Variants in ADGRB3 observed in about 807,000 individuals in gnomAD.
The protein encoded by ADGRB3 is adhesion G protein-coupled receptor B3.
In ADGRB3, 37 loss-of-function variants were observed where a neutral mutation model predicts 193.4. The ratio of observed to expected loss-of-function variants is 0.19; its 90% confidence interval spans 0.15 to 0.25. The LOEUF (loss-of-function observed/expected upper bound fraction) is 0.25. ADGRB3 is among the 10% of genes least tolerant of loss of function. The pLI is 1.00. For missense variants in ADGRB3, 1,637 were observed against 1,852.9 expected (o/e 0.88, Z 2.14); for synonymous variants, 690 against 644.2 (o/e 1.07, Z -1.08).
At chr6:68,649,907 T>C (rs1455199195) in intron 3 of ADGRB3, among the ~76,000 whole-genome samples, 1 of 152,196 alleles carries the variant, frequency 6.6e-6, no homozygotes, top group Non-Finnish European at 1.5e-5. Context: ...CCACGCGCCT[T>C]ACTCCTTTAA....
intron 25 of ADGRB3, 71 bp from the exon 26 acceptor site, chr6:69,339,262 T>A (rs536660178): frequency 6.5e-7 from 1 of 1,532,626 alleles, no homozygotes; most frequent in African/African-American, 1.4e-5. Context: ...AATGCTTTGT[T>A]GAATGGGGGT....
Position 68,897,514 on chromosome 6 carries a change from AAGGG to A in ADGRB3, c.758-33037_758-33034del, listed in dbSNP as rs1359488715. On this transcript the variant is annotated intron_variant, in intron 3 of 31. Transcript: ENST00000370598. ...GGGAGGGAGGGAAGAGGAAGGAAGG[AAGGG>A]AGGGAGGAAAGAGGAAAGAGGGAAG... is the stretch of plus-strand genomic sequence containing the variant. Among the ~76,000 whole-genome samples, 36 of 98,174 alleles carry A rather than the reference AAGGG, an allele frequency of 3.7e-4. 4 individuals carry two copies. Among genetic ancestry groups the A allele is most frequent in the South Asian group, 3.2e-3 (7 of 2,164 alleles). The allele number at this position is 98,174 out of a possible 152,430, so 64.4% of individuals were successfully genotyped here. A position where few individuals can be genotyped will look rare whatever the true frequency, so the allele number is the denominator to read the frequency against.
At chr6:69,238,383 T>C (rs1354733494) in intron 19 of ADGRB3, among the ~76,000 whole-genome samples, 1 of 152,106 alleles carries the variant, frequency 6.6e-6, no homozygotes, top group Non-Finnish European at 1.5e-5. Flanking sequence ...AGCAGTTTTC[T>C]CTATGGCTTA....
intron 17 of ADGRB3, among the ~76,000 whole-genome samples, chr6:69,156,572 A>T (rs1322074205): frequency 6.6e-6 from 1 of 152,144 alleles, no homozygotes; most frequent in African/African-American, 2.4e-5. Flanking sequence ...CATAGTAAGG[A>T]GTAGGGATAT....
chr6:69,145,234 G>A (rs1006605092), intron 17 of ADGRB3, among the ~76,000 whole-genome samples: 2 of 152,202 alleles, frequency 1.3e-5, no homozygotes, highest in Non-Finnish European at 2.9e-5. Flanking sequence ...TGAGCATGGG[G>A]TCTGGTTACT....
chr6:69,328,675 A>G (rs16900648), intron 22 of ADGRB3, among the ~76,000 whole-genome samples: 5,640 of 152,190 alleles, frequency 0.037, 174 homozygotes, highest in Admixed American at 0.095. Context: ...ACAAATTGTA[A>G]ACATACTGAG....
chr6:69,210,994 C>G (rs1765652382), intron 17 of ADGRB3, among the ~76,000 whole-genome samples: 1 of 151,648 alleles, frequency 6.6e-6, no homozygotes, highest in South Asian at 2.1e-4. Context: ...TGGTGGCAGG[C>G]ACCTGTAGTC....
At position 69,153,810 on chromosome 6, in the gene ADGRB3, G is replaced by A. The variant is rs187563368; in HGVS notation, c.2480+77772G>A. 1.3e-3 allele frequency among the ~76,000 whole-genome samples: 191 copies of A among 152,166 alleles called. 2 individuals are homozygous for A. The Middle Eastern group carries it at 0.027, about 22-fold the overall frequency. Reference sequence around the variant, plus strand: ...AGATCGAGACCATGCTGGCTAACACGGTGAAACCCCATCTCTACTAAAAAT... The same window carrying A: ...AGATCGAGACCATGCTGGCTAACACAGTGAAACCCCATCTCTACTAAAAAT... On this transcript the variant is annotated intron_variant, in intron 17 of 31. Transcript: ENST00000370598.
intron 8 of ADGRB3, among the ~76,000 whole-genome samples, chr6:68,958,289 A>G (rs948289215): frequency 1.3e-5 from 2 of 152,222 alleles, no homozygotes; most frequent in African/African-American, 4.8e-5. Flanking sequence ...CAGGGTTGTT[A>G]AGAGGATGAT....
chr6:68,789,334 T>A (rs1478121374), intron 3 of ADGRB3, among the ~76,000 whole-genome samples: 1 of 152,182 alleles, frequency 6.6e-6, no homozygotes, highest in African/African-American at 2.4e-5. Flanking sequence ...TCAGGAGCTC[T>A]TTTAGGGCAG....
chr6:68,706,465 A>G (rs1401821435), intron 3 of ADGRB3, among the ~76,000 whole-genome samples: 1 of 152,206 alleles, frequency 6.6e-6, no homozygotes, highest in African/African-American at 2.4e-5. Flanking sequence ...CCGTATGTGT[A>G]TGGCACATAT....
chr6:69,283,513 T>C (rs1292123511), intron 20 of ADGRB3, among the ~76,000 whole-genome samples: 1 of 152,164 alleles, frequency 6.6e-6, no homozygotes, highest in Non-Finnish European at 1.5e-5. Flanking sequence ...GAGTTAGACA[T>C]TGCTTTGGCT....
intron 30 of ADGRB3, among the ~76,000 whole-genome samples, chr6:69,375,410 G>A (rs1166859463): frequency 6.6e-6 from 1 of 152,032 alleles, no homozygotes; most frequent in Non-Finnish European, 1.5e-5. Context: ...AGACTCTGCA[G>A]AGGCAGAATC....
At chr6:69,259,695 CAAAAAAA>C (rs397887907) in intron 20 of ADGRB3, among the ~76,000 whole-genome samples, 1,280 of 76,176 alleles carry the variant, frequency 0.017, 19 homozygotes, top group Middle Eastern at 0.065. Context: ...GACTCTGTCT[CAAAAAAA>C]AAAAAAAAAA....
At chr6:68,785,907 G>C (rs1176888207) in intron 3 of ADGRB3, among the ~76,000 whole-genome samples, 2 of 152,006 alleles carry the variant, frequency 1.3e-5, no homozygotes, top group East Asian at 3.9e-4. Flanking sequence ...CTGATGGCCA[G>C]TGATGATGAG....
At chr6:69,323,905 T>C in intron 20 of ADGRB3, among the ~76,000 whole-genome samples, 1 of 152,104 alleles carries the variant, frequency 6.6e-6, no homozygotes, top group East Asian at 1.9e-4. Context: ...TATTTCTTTG[T>C]ATTGGTTTTT....
intron 5 of ADGRB3, among the ~76,000 whole-genome samples, chr6:68,938,674 A>G (rs552500930): frequency 6.6e-6 from 1 of 152,164 alleles, no homozygotes; most frequent in East Asian, 1.9e-4. Context: ...TCATTTGACC[A>G]ACATGTTTTA....
Position 68,789,165 on chromosome 6 carries a change from A to C in ADGRB3, c.758-141394A>C, listed in dbSNP as rs543287096. 2.5e-3 allele frequency among the ~76,000 whole-genome samples: 386 copies of C among 152,038 alleles called. 1 individual carries two copies. The highest frequency in any genetic ancestry group is 3.7e-3 in the Non-Finnish European group (251 of 67,978). On this transcript the variant is annotated intron_variant, in intron 3 of 31. Coordinates refer to ENST00000370598, the MANE Select transcript of ADGRB3 (RefSeq NM_001704.3). ...TTTAGCCCATTTACATTTAAAGTTA[A>C]TATTGTTATGTGTGAATTTGATCCT...
chr6:69,018,777 T>C (rs1182536962), intron 13 of ADGRB3, among the ~76,000 whole-genome samples: 1 of 151,986 alleles, frequency 6.6e-6, no homozygotes, highest in Admixed American at 6.6e-5. Context: ...TAATATGTAT[T>C]TATTTTTTCA....
Sources: gnomAD v4.1 joint callset for allele counts (sites outside exome capture counted in the v4.1 genomes callset) on GRCh38, gnomAD v4.1.1 for gene constraint, MANE v1.5 for transcripts, NCBI Gene and HGNC (gene_info 2026-07-23, HGNC 2026-07-21) for gene names.